SKAP1: variants seen among roughly 807,000 people sequenced by gnomAD.
SKAP1 encodes src kinase associated phosphoprotein 1, also known as src kinase-associated phosphoprotein 1.
SKAP1 carries 44 observed loss-of-function variants against 58.5 expected under a neutral mutation model. The ratio of observed to expected loss-of-function variants is 0.75; its 90% confidence interval spans 0.59 to 0.97. SKAP1 has a LOEUF of 0.97. Ranked by LOEUF, SKAP1 falls within the 50% of genes least tolerant of loss-of-function variation. The pLI is 0.00. For missense variants in SKAP1, 390 were observed against 435.2 expected (o/e 0.90, Z 0.92); for synonymous variants, 127 against 149.7 (o/e 0.85, Z 1.11).
At chr17:48,411,111 TA>T (rs1436562227) in intron 1 of SKAP1, among the ~76,000 whole-genome samples, 1 of 151,726 alleles carries the variant, frequency 6.6e-6, no homozygotes, top group Non-Finnish European at 1.5e-5. Context: ...AATAGATAAA[TA>T]AGTGAGGCCG....
chr17:48,267,737 C>T (rs1170387891), intron 4 of SKAP1, among the ~76,000 whole-genome samples: 2 of 152,114 alleles, frequency 1.3e-5, no homozygotes, highest in African/African-American at 2.4e-5. Context: ...CTTTTCACCA[C>T]TTGCTCTTAA....
chr17:48,443,450 C>T, the SKAP1 span, among the ~76,000 whole-genome samples: 22 of 135,962 alleles, frequency 1.6e-4, no homozygotes, highest in Admixed American at 1.5e-3. Context: ...GTGAGTGCTA[C>T]AAGGTAAGTC....
Position 48,299,030 on chromosome 17 carries a change from C to G in SKAP1, c.280+46875G>C, listed in dbSNP as rs190155902. Among the ~76,000 whole-genome samples the G allele has an allele frequency of 3.8e-3, 578 of 152,220 alleles. 1 individual carries two copies. The highest frequency in any genetic ancestry group is 5.2e-3 in the Non-Finnish European group (352 of 68,006). ...TCAGGGACATTGCATAAGGAACATTCGTATTTATAATTTATAAAGCACCTT... is the reference window on the plus strand; with the variant it reads ...TCAGGGACATTGCATAAGGAACATTGGTATTTATAATTTATAAAGCACCTT... On this transcript the variant is annotated intron_variant, in intron 4 of 12. Transcript: ENST00000336915.
At chr17:48,335,346 C>A (rs1282576333) in intron 4 of SKAP1, among the ~76,000 whole-genome samples, 1 of 151,880 alleles carries the variant, frequency 6.6e-6, no homozygotes, top group African/African-American at 2.4e-5. Context: ...TTTTGCATTG[C>A]CATCTAAGAC....
chr17:48,398,087 G>A (rs2067444479), intron 1 of SKAP1, among the ~76,000 whole-genome samples: 1 of 109,952 alleles, frequency 9.1e-6, no homozygotes. Context: ...GCCACACACA[G>A]GAACCTTTAT....
chr17:48,391,217 C>T (rs56093336), intron 2 of SKAP1, among the ~76,000 whole-genome samples: 12,454 of 152,166 alleles, frequency 0.082, 654 homozygotes, highest in East Asian at 0.2. Flanking sequence ...GTCATTATTA[C>T]ATTAAAAAAT....
chr17:48,406,781 G>A (rs2067592181), intron 1 of SKAP1, among the ~76,000 whole-genome samples: 1 of 152,018 alleles, frequency 6.6e-6, no homozygotes, highest in South Asian at 2.1e-4. Context: ...AGTCAGGCTG[G>A]TCTCAAACTC....
intron 4 of SKAP1, among the ~76,000 whole-genome samples, chr17:48,338,307 G>A (rs1435604007): frequency 2.0e-5 from 3 of 151,648 alleles, no homozygotes; most frequent in African/African-American, 7.3e-5. Context: ...CCGCCACCAC[G>A]CCAAGCTAAT....
intron 11 of SKAP1, among the ~76,000 whole-genome samples, chr17:48,145,400 GCTAAT>G (rs1567791293): frequency 7.3e-6 from 1 of 136,554 alleles, no homozygotes; most frequent in Non-Finnish European, 1.5e-5. Context: ...AAGGATTTAT[GCTAAT>G]CTCCATCAAC....
intron 11 of SKAP1, among the ~76,000 whole-genome samples, chr17:48,152,821 G>A (rs1464373889): frequency 6.6e-6 from 1 of 152,196 alleles, no homozygotes; most frequent in African/African-American, 2.4e-5. Flanking sequence ...AAAAGACGAA[G>A]ACGTTAACAG....
chr17:48,156,588 G>A, intron 11 of SKAP1: 1 of 380,780 alleles, frequency 2.6e-6, no homozygotes, highest in Non-Finnish European at 5.6e-6. Flanking sequence ...ACATCCGCTG[G>A]ATGCACAGAT....
the SKAP1 span, among the ~76,000 whole-genome samples, chr17:48,437,883 T>G: frequency 1.3e-5 from 2 of 152,044 alleles, no homozygotes; most frequent in African/African-American, 4.8e-5. Flanking sequence ...TCTTACCTCC[T>G]CGCAGTGGCT....
At chr17:48,239,291 C>A (rs567713092) in intron 4 of SKAP1, among the ~76,000 whole-genome samples, 1 of 152,290 alleles carries the variant, frequency 6.6e-6, no homozygotes, top group South Asian at 2.1e-4. Flanking sequence ...AGGCTGAGGG[C>A]AGATCTAGTG....
At position 48,411,425 on chromosome 17, in the gene SKAP1, A is replaced by ATAAATAAAT. The variant is rs1555624724; in HGVS notation, c.47-14649_47-14641dup. ...AATAAATAAATAAATAAATAAATAAATAAATAAATAAATGGGAGACAAGAG... is the reference window on the plus strand; with the variant it reads ...AATAAATAAATAAATAAATAAATAAATAAATAAATTAAATAAATAAATGGGAGACAAGAG... On this transcript the variant is annotated intron_variant, in intron 1 of 12. Coordinates refer to ENST00000336915, the MANE Select transcript of SKAP1 (RefSeq NM_003726.4). Among the ~76,000 whole-genome samples the ATAAATAAAT allele has an allele frequency of 2.6e-5, 4 of 152,042 alleles. No individual in the cohort carries two copies. In the East Asian group the frequency reaches 7.7e-4, roughly 29 times the overall value.
At chr17:48,240,670 C>G (rs1350446031) in intron 4 of SKAP1, among the ~76,000 whole-genome samples, 1 of 152,118 alleles carries the variant, frequency 6.6e-6, no homozygotes, top group Non-Finnish European at 1.5e-5. Context: ...GTCCAGAAAC[C>G]AAATGGTTTA....
chr17:48,410,486 C>A (rs2067648732), intron 1 of SKAP1, among the ~76,000 whole-genome samples: 1 of 152,024 alleles, frequency 6.6e-6, no homozygotes, highest in Non-Finnish European at 1.5e-5. Flanking sequence ...ATAAAAGGAA[C>A]CTAGGCTCCT....
At chr17:48,249,629 A>G (rs1459060967) in intron 4 of SKAP1, among the ~76,000 whole-genome samples, 1 of 151,984 alleles carries the variant, frequency 6.6e-6, no homozygotes, top group Non-Finnish European at 1.5e-5. Flanking sequence ...AACCATGATC[A>G]TGCCTCGGCA....
At chr17:48,435,769 G>T in the SKAP1 span, among the ~76,000 whole-genome samples, 1 of 152,204 alleles carries the variant, frequency 6.6e-6, no homozygotes, top group Non-Finnish European at 1.5e-5. Context: ...TTCAAGGTGA[G>T]AGAAGGGGCA....
intron 4 of SKAP1, among the ~76,000 whole-genome samples, chr17:48,314,158 T>G (rs1373025999): frequency 2.0e-5 from 3 of 152,144 alleles, no homozygotes; most frequent in African/African-American, 7.2e-5. Flanking sequence ...CAGCAAAGAG[T>G]AAACAAAGAA....
Sources: gnomAD v4.1 joint callset for allele counts (sites outside exome capture counted in the v4.1 genomes callset) on GRCh38, gnomAD v4.1.1 for gene constraint, MANE v1.5 for transcripts, NCBI Gene and HGNC (gene_info 2026-07-23, HGNC 2026-07-21) for gene names.